Variants in ABLIM1 observed in about 807,000 individuals in gnomAD.
ABLIM1 encodes actin binding LIM protein 1.
In ABLIM1, 40 loss-of-function variants were observed where a neutral mutation model predicts 107.0. The observed-to-expected ratio is 0.37, with a 90% CI of 0.29 to 0.49. The LOEUF is 0.49. Ranked by LOEUF, ABLIM1 falls within the 20% of genes least tolerant of loss-of-function variation. ABLIM1 has a pLI of 0.97. For missense variants in ABLIM1, 857 were observed against 1,008.5 expected, an observed-to-expected ratio of 0.85 and a Z score of 2.04; for synonymous variants, 357 against 357.3, an observed-to-expected ratio of 1.00 and a Z score of 0.01.
intron 6 of ABLIM1, among the ~76,000 whole-genome samples, chr10:114,511,135 A>C (rs1224962221): frequency 3.3e-5 from 5 of 152,164 alleles, no homozygotes; most frequent in African/African-American, 1.2e-4. Flanking sequence ...ATAATTATAT[A>C]ATCAGTTAAC....
At chr10:114,611,429 C>G (rs531127299) in intron 1 of ABLIM1, among the ~76,000 whole-genome samples, 1 of 150,530 alleles carries the variant, frequency 6.6e-6, no homozygotes, top group Non-Finnish European at 1.5e-5. Flanking sequence ...TGAGATCACA[C>G]GACTACACAC....
chr10:114,615,701 G>A, intron 1 of ABLIM1: 2 of 380,436 alleles, frequency 5.3e-6, no homozygotes, highest in South Asian at 1.9e-5. Flanking sequence ...CTGAAAGTCA[G>A]AAAAATACCT....
At chr10:114,635,310 C>T (rs576124870) in intron 1 of ABLIM1, among the ~76,000 whole-genome samples, 2 of 152,312 alleles carry the variant, frequency 1.3e-5, no homozygotes, top group South Asian at 2.1e-4. Flanking sequence ...AAAATTCAAG[C>T]GTACATCATT....
At chr10:114,578,156 G>C (rs1340559428) in intron 2 of ABLIM1, among the ~76,000 whole-genome samples, 2 of 151,986 alleles carry the variant, frequency 1.3e-5, no homozygotes, top group African/African-American at 4.8e-5. Flanking sequence ...TTTATGCGAG[G>C]GATGATCAAA....
At chr10:114,717,071 A>T (rs1566268078) in intron 1 of ABLIM1, among the ~76,000 whole-genome samples, 1 of 152,020 alleles carries the variant, frequency 6.6e-6, no homozygotes, top group South Asian at 2.1e-4. Flanking sequence ...CATTCAACCA[A>T]TGTCTACTGA....
At chr10:114,636,729 C>A (rs557661052) in intron 1 of ABLIM1, among the ~76,000 whole-genome samples, 3 of 152,186 alleles carry the variant, frequency 2.0e-5, no homozygotes, top group Admixed American at 2.0e-4. Context: ...TCACACTAGG[C>A]TGATAAGAGT....
intron 1 of ABLIM1, among the ~76,000 whole-genome samples, chr10:114,691,432 A>ATGTCTC: frequency 6.6e-6 from 1 of 152,142 alleles, no homozygotes; most frequent in Non-Finnish European, 1.5e-5. Context: ...TGGACTTTCT[A>ATGTCTC]TGTCTCTCTC....
At chr10:114,542,303 CA>C (rs376009725) in intron 6 of ABLIM1, among the ~76,000 whole-genome samples, 2 of 150,820 alleles carry the variant, frequency 1.3e-5, no homozygotes, top group African/African-American at 4.9e-5. Context: ...CCCAGCTACT[CA>C]GGGGGCTGTG....
At position 114,694,964 on chromosome 10, in the gene ABLIM1, C is replaced by G. The variant is rs978987793; in HGVS notation, c.-213+73097G>C. ...GAAATGCAGAATGTCAGCACCCAAC[C>G]CGGACTCTCCAGGTACTGAATCAGA... On this transcript the variant is annotated intron_variant, in intron 1 of 15. Coordinates refer to the ABLIM1 transcript ENST00000651092. Among the ~76,000 whole-genome samples, 51 of 152,166 alleles carry G rather than the reference C, an allele frequency of 3.4e-4. 1 individual carries two copies. The highest frequency in any genetic ancestry group is 1.2e-3 in the African/African-American group (51 of 41,442).
At chr10:114,624,523 C>A (rs2077665976) in intron 1 of ABLIM1, among the ~76,000 whole-genome samples, 1 of 152,172 alleles carries the variant, frequency 6.6e-6, no homozygotes, top group Admixed American at 6.5e-5. Context: ...AGAAGCAATA[C>A]CACCTCCAAA....
chr10:114,458,947 T>C (rs1686373703), intron 12 of ABLIM1, among the ~76,000 whole-genome samples: 1 of 152,208 alleles, frequency 6.6e-6, no homozygotes, highest in Non-Finnish European at 1.5e-5. Flanking sequence ...ACAAGGAAGT[T>C]TGGAGGACAG....
chr10:114,504,306 G>A (rs1176083299), intron 6 of ABLIM1, among the ~76,000 whole-genome samples: 1 of 152,156 alleles, frequency 6.6e-6, no homozygotes, highest in East Asian at 1.9e-4. Flanking sequence ...ATGCCTGTCT[G>A]TGGGCTAAGA....
chr10:114,438,420 A>G (rs533316954), intron 21 of ABLIM1, among the ~76,000 whole-genome samples: 1 of 152,114 alleles, frequency 6.6e-6, no homozygotes, highest in East Asian at 1.9e-4. Flanking sequence ...TCGTCATGCC[A>G]AGCAATTTTT....
chr10:114,678,950 G>A (rs2080616279), intron 1 of ABLIM1, among the ~76,000 whole-genome samples: 1 of 152,098 alleles, frequency 6.6e-6, no homozygotes, highest in Non-Finnish European at 1.5e-5. Context: ...TATATCATTG[G>A]CTGAATTTAT....
At chr10:114,553,580 G>T (rs1378941617) in intron 4 of ABLIM1, among the ~76,000 whole-genome samples, 3 of 152,324 alleles carry the variant, frequency 2.0e-5, no homozygotes, top group Middle Eastern at 3.4e-3. Context: ...GGAGAGTGGT[G>T]TTCCCCTCTG....
intron 1 of ABLIM1, among the ~76,000 whole-genome samples, chr10:114,735,473 C>CTGT (rs113379079): frequency 1.3e-5 from 2 of 152,184 alleles, no homozygotes; most frequent in East Asian, 3.9e-4. Context: ...CTGGGTTTTG[C>CTGT]TGTTGTTGTT....
intron 1 of ABLIM1, among the ~76,000 whole-genome samples, chr10:114,720,968 C>T (rs1263948974): frequency 6.6e-6 from 1 of 152,202 alleles, no homozygotes; most frequent in Non-Finnish European, 1.5e-5. Context: ...TCTGAGACCC[C>T]AGTCCCTACT....
At chr10:114,615,859 C>G (rs913224924) in intron 1 of ABLIM1, among the ~76,000 whole-genome samples, 5 of 151,684 alleles carry the variant, frequency 3.3e-5, no homozygotes, top group Admixed American at 6.6e-5. Flanking sequence ...ATGGACCAGT[C>G]TCAAACCAAC....
chr10:114,779,125 T>C, the ABLIM1 span: 5 of 152,228 alleles, frequency 3.3e-5, no homozygotes, highest in African/African-American at 4.8e-5. Context: ...TAATCATTCT[T>C]CTCTGACTAA....
Sources: gnomAD v4.1 joint callset for allele counts (sites outside exome capture counted in the v4.1 genomes callset) on GRCh38, gnomAD v4.1.1 for gene constraint, MANE v1.5 for transcripts, NCBI Gene and HGNC (gene_info 2026-07-23, HGNC 2026-07-21) for gene names.